The following MACROD1 variants were observed in gnomAD, a reference collection of about 807,000 sequenced individuals.
MACROD1 encodes the protein ADP-ribose glycohydrolase MACROD1.
In MACROD1, 31 loss-of-function variants were observed where a neutral mutation model predicts 41.4. That is an observed-to-expected ratio of 0.75 (90% CI 0.56 to 1.01). MACROD1 has a LOEUF of 1.01. Ranked by LOEUF, MACROD1 falls within the 50% of genes least tolerant of loss-of-function variation. The pLI is 0.00. For synonymous variants in MACROD1, 252 were observed against 203.4 expected (o/e 1.24, Z -2.03); for missense variants, 473 against 460.0 (o/e 1.03, Z -0.26).
chr11:64,101,583 G>T (rs1251948110), intron 3 of MACROD1, among the ~76,000 whole-genome samples: 1 of 152,134 alleles, frequency 6.6e-6, no homozygotes, highest in African/African-American at 2.4e-5. Flanking sequence ...GGAGGCGGAT[G>T]ACCTCACTGG....
intron 3 of MACROD1, among the ~76,000 whole-genome samples, chr11:64,016,485 G>A: frequency 6.6e-6 from 1 of 152,258 alleles, no homozygotes; most frequent in East Asian, 1.9e-4. Context: ...GACCATTGCA[G>A]CCCTTTCTGT....
chr11:64,133,591 AC>A (rs1460171321), intron 3 of MACROD1, among the ~76,000 whole-genome samples: 1 of 152,096 alleles, frequency 6.6e-6, no homozygotes, highest in Non-Finnish European at 1.5e-5. Flanking sequence ...AGACATCTGG[AC>A]CCAGACCCCA....
intron 3 of MACROD1, among the ~76,000 whole-genome samples, chr11:64,100,022 C>T (rs1944644361): frequency 6.6e-6 from 1 of 152,086 alleles, no homozygotes; most frequent in South Asian, 2.1e-4. Flanking sequence ...AGTAGTGCAG[C>T]AAGAAGGAAA....
chr11:64,060,854 G>C (rs1404612176), intron 3 of MACROD1, among the ~76,000 whole-genome samples: 1 of 152,166 alleles, frequency 6.6e-6, no homozygotes, highest in Non-Finnish European at 1.5e-5. Context: ...GGGTGTGAAC[G>C]GGGCCAAAGC....
At chr11:64,148,153 C>T (rs1314230022) in intron 3 of MACROD1, among the ~76,000 whole-genome samples, 1 of 152,150 alleles carries the variant, frequency 6.6e-6, no homozygotes, top group East Asian at 1.9e-4. Context: ...CTCCAAGGAT[C>T]CCCAGGGCCC....
chr11:64,144,764 C>A (rs568122841), intron 3 of MACROD1, among the ~76,000 whole-genome samples: 1 of 152,260 alleles, frequency 6.6e-6, no homozygotes, highest in Non-Finnish European at 1.5e-5. Context: ...CTGCCCACTG[C>A]GGAGAGGTTT....
At chr11:64,070,735 C>T (rs1944093441) in intron 3 of MACROD1, among the ~76,000 whole-genome samples, 1 of 152,210 alleles carries the variant, frequency 6.6e-6, no homozygotes, top group South Asian at 2.1e-4. Flanking sequence ...GCTGCCTGCT[C>T]CTCCCGCTGC....
intron 5 of MACROD1, 37 bp from the exon 6 acceptor site, chr11:63,999,800 A>T (rs537963272): frequency 2.2e-4 from 344 of 1,586,334 alleles, no homozygotes; most frequent in Non-Finnish European, 2.8e-4. Context: ...GCGGGGGTCT[A>T]CGCGGTCCTC....
At chr11:64,155,385 T>C (rs1945651580) in intron 1 of MACROD1, among the ~76,000 whole-genome samples, 1 of 152,256 alleles carries the variant, frequency 6.6e-6, no homozygotes, top group African/African-American at 2.4e-5. Flanking sequence ...AGACCCAGGC[T>C]GCGCCTTTTC....
At chr11:64,081,895 T>G (rs562250819) in intron 3 of MACROD1, 30 of 152,204 alleles carry the variant, frequency 2.0e-4, no homozygotes, top group African/African-American at 5.5e-4. Context: ...GGCTGGAGCT[T>G]GGCAGCATCC....
chr11:64,024,734 G>A, intron 3 of MACROD1, among the ~76,000 whole-genome samples: 1 of 152,230 alleles, frequency 6.6e-6, no homozygotes, highest in East Asian at 1.9e-4. Context: ...CAGAGAAGAT[G>A]AGGGAGGAGT....
intron 3 of MACROD1, among the ~76,000 whole-genome samples, chr11:64,028,476 G>A (rs909581499): frequency 6.6e-6 from 1 of 152,244 alleles, no homozygotes; most frequent in Non-Finnish European, 1.5e-5. Context: ...GTGGGAGGCA[G>A]GAGGCGGAAG....
intron 1 of MACROD1, among the ~76,000 whole-genome samples, chr11:64,165,323 C>T (rs1165192658): frequency 6.6e-6 from 1 of 152,192 alleles, no homozygotes; most frequent in Admixed American, 6.5e-5. Flanking sequence ...CTCCGAGTGA[C>T]CTTGGGGAAG....
chr11:64,023,857 A>G (rs959425187), intron 3 of MACROD1, among the ~76,000 whole-genome samples: 1 of 152,124 alleles, frequency 6.6e-6, no homozygotes, highest in African/African-American at 2.4e-5. Context: ...TCCCCATAAA[A>G]GCCTCACAGT....
chr11:64,155,536 A>G (rs1945654034), intron 1 of MACROD1, among the ~76,000 whole-genome samples: 1 of 152,252 alleles, frequency 6.6e-6, no homozygotes, highest in African/African-American at 2.4e-5. Flanking sequence ...GGAGGGTCAA[A>G]GGAGAAGGTG....
chr11:64,030,559 C>T (rs1229288746), intron 3 of MACROD1, among the ~76,000 whole-genome samples: 2 of 152,048 alleles, frequency 1.3e-5, no homozygotes, highest in East Asian at 1.9e-4. Flanking sequence ...TTCTAAGTCA[C>T]GATACTATTG....
chr11:64,138,585 C>A, intron 3 of MACROD1: 2 of 984,782 alleles, frequency 2.0e-6, no homozygotes, highest in Non-Finnish European at 2.4e-6. Context: ...AGCCGCGGGC[C>A]CTGCTGGCAG....
chr11:64,012,647 C>T, intron 4 of MACROD1, among the ~76,000 whole-genome samples: 1 of 152,204 alleles, frequency 6.6e-6, no homozygotes, highest in Admixed American at 6.5e-5. Flanking sequence ...GATCTGCCCA[C>T]TTCAGCCTCC....
In MACROD1 at chr11:64,064,315, G is replaced by A. The variant is rs1248717248; in HGVS notation, c.518-49034C>T. Among the ~76,000 whole-genome samples the A allele has an allele frequency of 1.3e-5, 2 of 152,178 alleles. No individual in the cohort carries two copies. Among genetic ancestry groups the A allele is most frequent in the Non-Finnish European group, 2.9e-5 (2 of 68,022 alleles). On this transcript the variant is annotated intron_variant, in intron 3 of 10. Transcript: ENST00000255681. The surrounding 1 kb of genome is among the most constrained non-coding windows in gnomAD (Gnocchi z 4.5). ...GCCCTGTTCAGGCGGCGGGTAGGGG[G>A]GTGATGTCTCATCAGAAGAGGGGCC... is the stretch of plus-strand genomic sequence containing the variant.
Sources: allele counts gnomAD v4.1 joint callset (sites outside exome capture counted in the v4.1 genomes callset), GRCh38; gene constraint gnomAD v4.1.1; non-coding constraint Gnocchi (gnomAD v3.1); transcripts MANE v1.5; gene names NCBI Gene and HGNC (gene_info 2026-07-23, HGNC 2026-07-21).